The following ANKH variants were observed in gnomAD, a reference collection of about 807,000 sequenced individuals.
ANKH encodes the protein mineralization regulator ANKH.
Under a neutral mutation model 49.0 loss-of-function variants are expected in ANKH, and 15 were observed. That is an observed-to-expected ratio of 0.31 (90% CI 0.20 to 0.47). The LOEUF (loss-of-function observed/expected upper bound fraction) is 0.47. Ranked by LOEUF, ANKH falls within the 20% of genes least tolerant of loss-of-function variation. The pLI is 1.00. For missense variants in ANKH, 429 were observed against 652.0 expected, an observed-to-expected ratio of 0.66 and a Z score of 3.72; for synonymous variants, 273 against 260.0, an observed-to-expected ratio of 1.05 and a Z score of -0.48.
chr5:14,722,308 GT>G (rs1447803245), intron 8 of ANKH, among the ~76,000 whole-genome samples: 2 of 152,186 alleles, frequency 1.3e-5, no homozygotes, highest in Non-Finnish European at 2.9e-5. Context: ...AGCTGCAGAG[GT>G]GGGTTTTCTG....
chr5:14,711,553 T>A (rs1279924530), intron 11 of ANKH, among the ~76,000 whole-genome samples: 1 of 152,188 alleles, frequency 6.6e-6, no homozygotes, highest in Non-Finnish European at 1.5e-5. Context: ...GGACACCATG[T>A]CCCACTGCCC....
chr5:14,823,943 A>T (rs1008163695), intron 1 of ANKH, among the ~76,000 whole-genome samples: 8 of 152,072 alleles, frequency 5.3e-5, no homozygotes, highest in Non-Finnish European at 1.0e-4. Flanking sequence ...AAACAAACAA[A>T]CAAACAAATC....
chr5:14,789,770 G>A lies in ANKH; in HGVS notation c.97-20579C>T, dbSNP rs184837359. Among the ~76,000 whole-genome samples, 307 of 152,258 alleles carry A rather than the reference G, an allele frequency of 2.0e-3. 1 individual carries two copies. The highest frequency in any genetic ancestry group is 6.9e-3 in the African/African-American group (285 of 41,540). ...TCTGTTGCCTGGCTGGAGTGCAGTG[G>A]TGCGATCTCAGCTCACTGCAACCTC... On this transcript the variant is annotated intron_variant, in intron 1 of 11. Transcript: ENST00000284268.
intron 1 of ANKH, among the ~76,000 whole-genome samples, chr5:14,794,025 T>G (rs1022127198): frequency 3.9e-5 from 6 of 152,240 alleles, no homozygotes; most frequent in Non-Finnish European, 5.9e-5. Context: ...GAACTTTTGT[T>G]GGGATAAACA....
intron 1 of ANKH, among the ~76,000 whole-genome samples, chr5:14,793,037 A>AATATATATATATAAATATATATATAAAT (rs1267380844): frequency 1.8e-5 from 1 of 56,230 alleles, no homozygotes; most frequent in African/African-American, 7.8e-5. Flanking sequence ...TATATATAAA[A>AATATATATATATAAATATATATATAAAT]ATATATATAT....
At chr5:14,847,379 G>C (rs1194583547) in intron 1 of ANKH, among the ~76,000 whole-genome samples, 1 of 152,202 alleles carries the variant, frequency 6.6e-6, no homozygotes, top group Non-Finnish European at 1.5e-5. Flanking sequence ...AGTGCATCCT[G>C]ACTATATTGA....
chr5:14,859,393 A>G (rs2126630045), intron 1 of ANKH, among the ~76,000 whole-genome samples: 1 of 152,278 alleles, frequency 6.6e-6, no homozygotes, highest in East Asian at 1.9e-4. Flanking sequence ...TATATGCCCC[A>G]TTTTGCTGTA....
At position 14,814,556 on chromosome 5, in the gene ANKH, T is replaced by C. The variant is rs573246549; in HGVS notation, c.97-45365A>G. Among the ~76,000 whole-genome samples the C allele has an allele frequency of 3.3e-5, 5 of 152,278 alleles. No homozygotes were observed. In the South Asian group the frequency reaches 8.3e-4, roughly 25 times the overall value. On this transcript the variant is annotated intron_variant, in intron 1 of 11. Transcript: ENST00000284268. ...GGGAGGTTGAGGCTGCAGTGAGCCA[T>C]GATTGTGCCACTGCACTCCAGCCTG...
chr5:14,761,203 GC>G (rs1739065944), intron 2 of ANKH, among the ~76,000 whole-genome samples: 1 of 152,134 alleles, frequency 6.6e-6, no homozygotes. Flanking sequence ...AGAAGGAACC[GC>G]CCCTGCAACA....
chr5:14,712,792 C>T, intron 11 of ANKH, 82 bp downstream of exon 11: 5 of 1,377,988 alleles, frequency 3.6e-6, no homozygotes, highest in South Asian at 1.2e-5. Context: ...ACGCCACCAT[C>T]CAACCTGGTC....
At chr5:14,795,456 T>C (rs1415593684) in intron 1 of ANKH, among the ~76,000 whole-genome samples, 3 of 152,196 alleles carry the variant, frequency 2.0e-5, no homozygotes, top group African/African-American at 7.2e-5. Flanking sequence ...TCATGTGCAA[T>C]TGATTGATAG....
chr5:14,792,233 G>A lies in ANKH; in HGVS notation c.97-23042C>T, dbSNP rs549353714. Among the ~76,000 whole-genome samples, 7 of 152,302 alleles carry A rather than the reference G, an allele frequency of 4.6e-5. No individual in the cohort carries two copies. In the East Asian group the frequency reaches 1.2e-3, roughly 25 times the overall value. On this transcript the variant is annotated intron_variant, in intron 1 of 11. Coordinates refer to ENST00000284268, the MANE Select transcript of ANKH (RefSeq NM_054027.6). ...TCGAGTCCCATTATACTGGGCAGGG[G>A]AATTGAGATTGGATATGACTGTGAT...
intron 8 of ANKH, among the ~76,000 whole-genome samples, chr5:14,723,014 G>A (rs765562401): frequency 4.6e-5 from 7 of 151,834 alleles, no homozygotes; most frequent in Admixed American, 1.3e-4. Flanking sequence ...GCACATTGAG[G>A]GACCTTCTAC....
At chr5:14,816,394 G>A (rs891611346) in intron 1 of ANKH, among the ~76,000 whole-genome samples, 3 of 152,134 alleles carry the variant, frequency 2.0e-5, no homozygotes, top group African/African-American at 7.2e-5. Context: ...TTGTGTGGAT[G>A]ATTTTTTTTT....
intron 4 of ANKH, among the ~76,000 whole-genome samples, chr5:14,751,858 A>G (rs1028908969): frequency 6.6e-6 from 1 of 152,212 alleles, no homozygotes; most frequent in African/African-American, 2.4e-5. Flanking sequence ...CTATTTACTC[A>G]TTACCAACTT....
At chr5:14,811,030 G>A (rs1279524334) in intron 1 of ANKH, among the ~76,000 whole-genome samples, 1 of 152,096 alleles carries the variant, frequency 6.6e-6, no homozygotes, top group Non-Finnish European at 1.5e-5. Context: ...ACCATAAAAA[G>A]CAAAAGATAA....
rs1736959414 is a variant in ANKH, at chr5:14,706,804, G to A, written c.*4393C>T. ...TAGAGATTCAAAATAACCACACAGA[G>A]GAGTATCCCAGACACGTTGCTCAAA... On this transcript the variant is annotated 3_prime_UTR_variant, in exon 12 of 12. Transcript: ENST00000284268. The A allele has an allele frequency of 6.6e-6, 1 of 152,182 alleles. No homozygotes were observed. Among genetic ancestry groups the A allele is most frequent in the Non-Finnish European group, 1.5e-5 (1 of 68,052 alleles). 9.4% of individuals were successfully genotyped at this position (152,182 alleles called of 1,614,324 possible).
At chr5:14,778,828 T>G (rs969822851) in intron 1 of ANKH, among the ~76,000 whole-genome samples, 1 of 152,154 alleles carries the variant, frequency 6.6e-6, no homozygotes, top group Non-Finnish European at 1.5e-5. Flanking sequence ...AGAATTCTAC[T>G]TGGGCTTTGA....
chr5:14,849,826 C>T (rs1742075772), intron 1 of ANKH, among the ~76,000 whole-genome samples: 1 of 152,136 alleles, frequency 6.6e-6, no homozygotes. Context: ...CACGGTCACT[C>T]GGATGTGCAT....
Sources: gnomAD v4.1 joint callset for allele counts (sites outside exome capture counted in the v4.1 genomes callset) on GRCh38, gnomAD v4.1.1 for gene constraint, MANE v1.5 for transcripts, NCBI Gene and HGNC (gene_info 2026-07-23, HGNC 2026-07-21) for gene names.